The following MYH15 variants were observed in gnomAD, a reference collection of about 807,000 sequenced individuals.
MYH15 encodes myosin-15.
In MYH15, 227 loss-of-function variants were observed where a neutral mutation model predicts 240.5. The ratio of observed to expected loss-of-function variants is 0.94; its 90% confidence interval spans 0.85 to 1.05. The LOEUF (loss-of-function observed/expected upper bound fraction) is 1.05. Among genes scored for constraint, MYH15 ranks in the 50% least tolerant of loss-of-function variants. The pLI, the probability that MYH15 is intolerant of heterozygous loss-of-function variation, is 0.00. For missense variants in MYH15, 2,217 were observed against 2,247.5 expected (o/e 0.99, Z 0.27); for synonymous variants, 785 against 796.7 (o/e 0.99, Z 0.25).
chr3:108,456,938 C>G (rs1462861427), intron 18 of MYH15, 55 bp from the exon 19 acceptor site: 1 of 1,328,836 alleles, frequency 7.5e-7, no homozygotes, highest in Non-Finnish European at 1.1e-6. Flanking sequence ...ATTATTGGGA[C>G]AGATTTTGAA....
chr3:108,490,498 A>G lies in MYH15; in HGVS notation c.871+2002T>C, dbSNP rs144016154. Reference sequence around the variant, plus strand: ...AGTTCTCCCCTTCCAATGACTTCCTATGCCACTTTAAATGGTCTGCCATGG... The same window carrying G: ...AGTTCTCCCCTTCCAATGACTTCCTGTGCCACTTTAAATGGTCTGCCATGG... On this transcript the variant is annotated intron_variant, in intron 9 of 40. Transcript: ENST00000693548. 2.7e-3 allele frequency among the ~76,000 whole-genome samples: 415 copies of G among 152,322 alleles called. 2 individuals are homozygous for G. Among genetic ancestry groups the G allele is most frequent in the African/African-American group, 8.9e-3 (369 of 41,570 alleles).
chr3:108,431,956 G>A (rs555693026), intron 25 of MYH15, among the ~76,000 whole-genome samples: 2 of 152,260 alleles, frequency 1.3e-5, no homozygotes, highest in East Asian at 3.9e-4. Flanking sequence ...GAACTTTGTG[G>A]AACTTTGAAC....
intron 32 of MYH15, among the ~76,000 whole-genome samples, chr3:108,407,633 GC>G (rs1356709297): frequency 6.6e-6 from 1 of 152,158 alleles, no homozygotes; most frequent in Non-Finnish European, 1.5e-5. Context: ...ACAAAGATGA[GC>G]TTTCAGAAAC....
intron 24 of MYH15, among the ~76,000 whole-genome samples, chr3:108,438,331 T>C (rs1021711026): frequency 2.0e-5 from 3 of 152,162 alleles, no homozygotes; most frequent in Non-Finnish European, 4.4e-5. Context: ...TCCAGTTTTG[T>C]ATGGATTAGT....
chr3:108,454,278 G>A, intron 20 of MYH15, 136 bp from the exon 21 acceptor site: 1 of 715,522 alleles, frequency 1.4e-6, no homozygotes, highest in Non-Finnish European at 2.0e-6. Context: ...TATTTAATGT[G>A]TAAAATCTAC....
chr3:108,494,184 G>T (rs931909662), intron 7 of MYH15, among the ~76,000 whole-genome samples: 2 of 152,142 alleles, frequency 1.3e-5, no homozygotes, highest in Admixed American at 1.3e-4. Context: ...TCTGTACAGG[G>T]GGATCAAACT....
At chr3:108,385,793 A>C (rs1443767218) in intron 38 of MYH15, among the ~76,000 whole-genome samples, 10 of 144,198 alleles carry the variant, frequency 6.9e-5, no homozygotes, top group Admixed American at 6.9e-4. Context: ...CATTCCCCCC[A>C]CCACCACGAA....
chr3:108,484,582 G>A (rs548216382), intron 11 of MYH15, among the ~76,000 whole-genome samples: 12 of 152,198 alleles, frequency 7.9e-5, no homozygotes, highest in South Asian at 6.2e-4. Flanking sequence ...AGGTTCCAGC[G>A]ATTCTCATGC....
At chr3:108,523,017 C>T (rs2083633491) in intron 1 of MYH15, among the ~76,000 whole-genome samples, 1 of 152,012 alleles carries the variant, frequency 6.6e-6, no homozygotes, top group Admixed American at 6.6e-5. Flanking sequence ...AGAACAAGAA[C>T]ATTTGCGAAA....
At chr3:108,459,628 T>C (rs1251062452) in intron 17 of MYH15, among the ~76,000 whole-genome samples, 179 bp from the exon 18 acceptor site, 2 of 152,226 alleles carry the variant, frequency 1.3e-5, no homozygotes, top group African/African-American at 4.8e-5. Context: ...TTCTTTCCTA[T>C]GGCAAGTCAA....
chr3:108,405,372 G>T lies in MYH15; in HGVS notation c.4702C>A (p.Leu1568Ile). 1 of 1,510,550 alleles carries T rather than the reference G, an allele frequency of 6.6e-7. No individual in the cohort carries two copies. Among genetic ancestry groups the T allele is most frequent in the South Asian group, 1.4e-5 (1 of 72,794 alleles). The allele number at this position is 1,510,550 out of a possible 1,614,324, so 93.6% of individuals were successfully genotyped here. A position where few individuals can be genotyped will look rare whatever the true frequency, so the allele number is the denominator to read the frequency against. ...TCTATTTCTTCATCTTTCTCTGAAAGCTTTCTTTCAAGTTCTGCTTTAGCT... is the reference window on the plus strand; with the variant it reads ...TCTATTTCTTCATCTTTCTCTGAAATCTTTCTTTCAAGTTCTGCTTTAGCT... ...LEAKAELERKLSEKDEEIENF... is the reference protein window; with the variant it reads ...LEAKAELERKISEKDEEIENF... The change falls in exon 33 of 41, where the codon CTT becomes ATT. Residue 1568 changes from leucine (L) to isoleucine (I), a missense_variant. Coordinates refer to ENST00000693548, the MANE Select transcript of MYH15 (RefSeq NM_014981.3).
At chr3:108,542,313 T>A in the MYH15 span, among the ~76,000 whole-genome samples, 1 of 152,188 alleles carries the variant, frequency 6.6e-6, no homozygotes, top group Admixed American at 6.5e-5. Flanking sequence ...CTATATGAAT[T>A]TTGACAAAAT....
chr3:108,444,072 C>T (rs999236296), intron 22 of MYH15, among the ~76,000 whole-genome samples: 16 of 150,074 alleles, frequency 1.1e-4, no homozygotes, highest in African/African-American at 3.7e-4. Context: ...GGGTGCAGCA[C>T]ACCAGCATGG....
upstream of MYH15, among the ~76,000 whole-genome samples, chr3:108,515,323 G>T (rs1248103544): frequency 9.9e-5 from 15 of 152,258 alleles, no homozygotes. Flanking sequence ...CCACATGCAC[G>T]CTAATCAGCA....
intron 7 of MYH15, among the ~76,000 whole-genome samples, chr3:108,493,613 A>G (rs1189331717): frequency 6.6e-6 from 1 of 152,238 alleles, no homozygotes; most frequent in Non-Finnish European, 1.5e-5. Context: ...CACTGGAGAT[A>G]CCGCACAAAA....
rs751212371 is a variant in MYH15 at position 108,501,744 on chromosome 3, G to A, written c.307C>T (p.Leu103=). The change falls in exon 3 of 41, where the codon CTG becomes TTG. Residue 103 remains leucine (L), a synonymous_variant. Coordinates refer to ENST00000693548, the MANE Select transcript of MYH15 (RefSeq NM_014981.3). ...HLNEASVLHT[L]KRRYGQWMIY... ...ATCCACTGGCCATAGCGCCGCTTCA[G>A]GGTATGCAGCACGGATGCCTCATTG... 8 of 1,613,980 alleles carry A rather than the reference G, an allele frequency of 5.0e-6. No individual in the cohort carries two copies. The Admixed American group carries it at 1.3e-4, about 27-fold the overall frequency.
chr3:108,416,830 C>G lies in MYH15; in HGVS notation c.3930G>C (p.Gln1310His), dbSNP rs2082637517. 9 of 1,613,552 alleles carry G rather than the reference C, an allele frequency of 5.6e-6. No homozygotes were observed. Among genetic ancestry groups the G allele is most frequent in the Non-Finnish European group, 7.6e-6 (9 of 1,179,606 alleles). ...FTRQIEDLRG[Q>H]LEKETKSQSA... ...ACATTACTTTGGTCTCCTTTTCCAG[C>G]TGCCCTCTCAGGTCTTCAATCTGCC... Residue 1310 changes from glutamine to histidine, a missense_variant, in exon 29 of 41, where the codon CAG (glutamine) becomes CAC (histidine). Physicochemically the swap from Gln to His is conservative, Grantham distance 24. Coordinates refer to ENST00000693548, the MANE Select transcript of MYH15 (RefSeq NM_014981.3).
chr3:108,530,698 T>C (rs1392907476), upstream of MYH15, among the ~76,000 whole-genome samples: 1 of 152,188 alleles, frequency 6.6e-6, no homozygotes, highest in Admixed American at 6.6e-5. Context: ...AAAATCTCTG[T>C]ATTTTCCTCT....
chr3:108,481,201 A>G lies in MYH15; in HGVS notation c.1114+3890T>C, dbSNP rs144679311. ...ACTAGGCTGAAACAACATGAATATGATCACATTTTTATTTTAAAAAGTTAT... is the reference window on the plus strand; with the variant it reads ...ACTAGGCTGAAACAACATGAATATGGTCACATTTTTATTTTAAAAAGTTAT... On this transcript the variant is annotated intron_variant, in intron 11 of 40. Coordinates refer to ENST00000693548, the MANE Select transcript of MYH15 (RefSeq NM_014981.3). 7.9e-5 allele frequency among the ~76,000 whole-genome samples: 12 copies of G among 152,378 alleles called. No individual in the cohort carries two copies. The East Asian group carries it at 1.9e-3, about 24-fold the overall frequency.
Sources: gnomAD v4.1 joint callset for allele counts (sites outside exome capture counted in the v4.1 genomes callset) on GRCh38, gnomAD v4.1.1 for gene constraint, MANE v1.5 for transcripts, NCBI Gene and HGNC (gene_info 2026-07-23, HGNC 2026-07-21) for gene names.